The following KAZN variants were observed in gnomAD, a reference collection of about 807,000 sequenced individuals.
KAZN encodes the protein kazrin.
KAZN carries 40 observed loss-of-function variants against 87.4 expected under a neutral mutation model. That is an observed-to-expected ratio of 0.46 (90% CI 0.36 to 0.60). KAZN has a LOEUF of 0.60. Among genes scored for constraint, KAZN ranks in the 20% least tolerant of loss-of-function variants. The pLI is 0.00. For synonymous variants in KAZN, 466 were observed against 458.3 expected (o/e 1.02, Z -0.22); for missense variants, 898 against 1,073.9 (o/e 0.84, Z 2.29).
chr1:14,505,835 G>A (rs1210444399), intron 2 of KAZN, among the ~76,000 whole-genome samples: 7 of 145,960 alleles, frequency 4.8e-5, no homozygotes, highest in Admixed American at 6.7e-5. Context: ...TTAGCCAGGC[G>A]TGGCGGCATG....
At chr1:14,169,973 C>T (rs565756147) in intron 1 of KAZN, among the ~76,000 whole-genome samples, 9 of 152,260 alleles carry the variant, frequency 5.9e-5, no homozygotes, top group African/African-American at 1.9e-4. Context: ...CTTAAAGAGG[C>T]GCACTCTCTT....
chr1:14,831,721 A>G (rs1178444896), intron 1 of KAZN, among the ~76,000 whole-genome samples: 1 of 151,852 alleles, frequency 6.6e-6, no homozygotes, highest in East Asian at 2.0e-4. Flanking sequence ...TGCCCACTGA[A>G]TGGGAAACCG....
chr1:15,081,523 AGATGT>A lies in KAZN; in HGVS notation c.1223-12656_1223-12652del, dbSNP rs1377847244. On this transcript the variant is annotated intron_variant, in intron 8 of 14. Coordinates refer to ENST00000376030, the MANE Select transcript of KAZN (RefSeq NM_201628.3). This position sits in a 1 kb window ranked among gnomAD's most constrained non-coding sequence, Gnocchi z 4.1. ...CACAACTGTTCGTTTCAGCTGTGAG[AGATGT>A]CATGCAGGAAAGGTTCCAGGAATTA... 6.6e-6 allele frequency among the ~76,000 whole-genome samples: 1 copy of A among 152,102 alleles called. No homozygotes were observed. The highest frequency in any genetic ancestry group is 1.5e-5 in the Non-Finnish European group (1 of 68,016).
At chr1:14,828,198 T>C (rs1266386865) in intron 1 of KAZN, among the ~76,000 whole-genome samples, 1 of 152,224 alleles carries the variant, frequency 6.6e-6, no homozygotes. Context: ...TGAATTGTGA[T>C]CATTGTGATC....
At chr1:14,498,825 G>A (rs1046690609) in intron 2 of KAZN, among the ~76,000 whole-genome samples, 2 of 152,072 alleles carry the variant, frequency 1.3e-5, no homozygotes, top group Admixed American at 1.3e-4. Context: ...GCAAGCCCCT[G>A]TCTAAGTAGC....
At chr1:14,159,769 A>T (rs949800679) in intron 1 of KAZN, among the ~76,000 whole-genome samples, 2 of 152,204 alleles carry the variant, frequency 1.3e-5, no homozygotes, top group African/African-American at 4.8e-5. Context: ...TTGATGTAGT[A>T]CTTGAGTATC....
rs7412685 is a variant in KAZN at position 14,844,596 on chromosome 1, G to A, written c.227-116088G>A. ...AGCCAAGATGTAAATGAGATTGTTC[G>A]CAATGAAGAAAGTGTGAGCTTTTGT... On this transcript the variant is annotated intron_variant, in intron 1 of 14. Transcript: ENST00000376030. Among the ~76,000 whole-genome samples, 13 of 152,302 alleles carry A rather than the reference G, an allele frequency of 8.5e-5. No homozygotes were observed. In the South Asian group the frequency reaches 1.5e-3, roughly 17 times the overall value.
At chr1:14,969,836 CAG>C in intron 2 of KAZN, among the ~76,000 whole-genome samples, 1 of 152,148 alleles carries the variant, frequency 6.6e-6, no homozygotes, top group Non-Finnish European at 1.5e-5. Flanking sequence ...CGTGGGGGGA[CAG>C]AGTCTTACTC....
chr1:14,650,783 A>T (rs1470356972), intron 1 of KAZN, among the ~76,000 whole-genome samples: 1 of 152,182 alleles, frequency 6.6e-6, no homozygotes, highest in Admixed American at 6.5e-5. Flanking sequence ...TAGAAACACT[A>T]CCTATAGGTA....
intron 2 of KAZN, among the ~76,000 whole-genome samples, chr1:14,455,783 A>G (rs1667535945): frequency 6.6e-6 from 1 of 151,926 alleles, no homozygotes; most frequent in South Asian, 2.1e-4. Context: ...TCAGGATCCA[A>G]CTCCTCAAGG....
chr1:14,504,006 A>T (rs1470963562), intron 2 of KAZN, among the ~76,000 whole-genome samples: 1 of 152,146 alleles, frequency 6.6e-6, no homozygotes, highest in Non-Finnish European at 1.5e-5. Flanking sequence ...CTCACTCTCA[A>T]GGTTGCACAG....
chr1:14,857,360 A>T (rs1480093717), intron 1 of KAZN, among the ~76,000 whole-genome samples: 2 of 152,068 alleles, frequency 1.3e-5, no homozygotes, highest in Non-Finnish European at 2.9e-5. Context: ...TTAGCAACAT[A>T]GTGAAACCCC....
chr1:14,325,880 A>ACTT (rs1325697260), intron 2 of KAZN, among the ~76,000 whole-genome samples: 6 of 152,032 alleles, frequency 3.9e-5, no homozygotes. Flanking sequence ...TACCCCATCT[A>ACTT]CTTCTTCTCC....
At chr1:14,788,892 C>G (rs944068624) in intron 1 of KAZN, among the ~76,000 whole-genome samples, 3 of 152,092 alleles carry the variant, frequency 2.0e-5, no homozygotes, top group Non-Finnish European at 4.4e-5. Context: ...CCTGAGACAC[C>G]ACCATCAGAA....
At chr1:14,419,797 T>G (rs1033115110) in intron 2 of KAZN, among the ~76,000 whole-genome samples, 4 of 151,792 alleles carry the variant, frequency 2.6e-5, no homozygotes, top group African/African-American at 7.3e-5. Flanking sequence ...AGTTGTTCAT[T>G]CCTCCCGGTG....
chr1:14,027,223 C>T (rs1369811308), intron 1 of KAZN, among the ~76,000 whole-genome samples: 1 of 152,114 alleles, frequency 6.6e-6, no homozygotes, highest in African/African-American at 2.4e-5. Context: ...GCTTGGTTCT[C>T]GTTTATATTT....
At position 14,996,968 on chromosome 1, in the gene KAZN, G is replaced by T. The variant is rs1167439278; in HGVS notation, c.418+36093G>T. Among the ~76,000 whole-genome samples the T allele has an allele frequency of 6.6e-6, 1 of 152,074 alleles. No individual in the cohort carries two copies. The highest frequency in any genetic ancestry group is 1.5e-5 in the Non-Finnish European group (1 of 68,016). ...GCTCTGAGGCTGTGTGTTCCCCCAG[G>T]CACCCTGTGCTTTGCTGATCCCTGG... On this transcript the variant is annotated intron_variant, in intron 2 of 14. Transcript: ENST00000376030. The surrounding 1 kb of genome is among the most constrained non-coding windows in gnomAD (Gnocchi z 5.9).
intron 1 of KAZN, among the ~76,000 whole-genome samples, chr1:14,670,776 T>C (rs1291656754): frequency 6.6e-6 from 1 of 152,248 alleles, no homozygotes; most frequent in African/African-American, 2.4e-5. Context: ...CCTGAGATTC[T>C]GCATTTCTGG....
At chr1:14,287,750 C>T (rs562823836) in intron 2 of KAZN, among the ~76,000 whole-genome samples, 11 of 152,274 alleles carry the variant, frequency 7.2e-5, no homozygotes, top group Admixed American at 2.6e-4. Flanking sequence ...GCATCTCTGA[C>T]TTGTGCCAGT....
Sources: gnomAD v4.1 joint callset for allele counts (sites outside exome capture counted in the v4.1 genomes callset) on GRCh38, gnomAD v4.1.1 for gene constraint, Gnocchi (gnomAD v3.1) non-coding constraint, MANE v1.5 for transcripts, NCBI Gene and HGNC (gene_info 2026-07-23, HGNC 2026-07-21) for gene names.